The following PLCB4 variants were observed in gnomAD, a reference collection of about 807,000 sequenced individuals.
The protein encoded by PLCB4 is phospholipase C beta 4, also known as 1-phosphatidylinositol 4,5-bisphosphate phosphodiesterase beta-4.
Under a neutral mutation model 178.8 loss-of-function variants are expected in PLCB4, and 77 were observed. That is an observed-to-expected ratio of 0.43 (90% CI 0.36 to 0.52). The LOEUF (loss-of-function observed/expected upper bound fraction) is 0.52, where lower values mean the gene tolerates loss of function less well. PLCB4 is among the 20% of genes least tolerant of loss of function. The pLI is 0.00. For missense variants in PLCB4, 1,024 were observed against 1,453.4 expected, an observed-to-expected ratio of 0.70 and a Z score of 4.80; for synonymous variants, 496 against 490.8, an observed-to-expected ratio of 1.01 and a Z score of -0.14.
chr20:9,096,427 T>C (rs2090912827), intron 2 of PLCB4, 85 bp downstream of exon 2: 1 of 152,202 alleles, frequency 6.6e-6, no homozygotes, highest in African/African-American at 2.4e-5. Context: ...CGAGAAGCAA[T>C]TTTTTATGCC....
intron 1 of PLCB4, among the ~76,000 whole-genome samples, chr20:9,089,003 G>A (rs2090561714): frequency 6.6e-6 from 1 of 151,784 alleles, no homozygotes; most frequent in Admixed American, 6.6e-5. Flanking sequence ...TATACTTTAA[G>A]AGTTGGCAAA....
Position 9,478,904 on chromosome 20 carries a change from T to C in PLCB4, c.3533-17T>C, listed in dbSNP as rs1384078957. ...AAGGATTTCAACACACGTAAGGCCA[T>C]GTTTCTGATGTTATAGGCGAAGGAG... On this transcript the variant is annotated splice_polypyrimidine_tract_variant and intron_variant, in intron 39 of 39. Transcript: ENST00000378473. The C allele has an allele frequency of 1.2e-6, 2 of 1,602,926 alleles. No individual in the cohort carries two copies. Among genetic ancestry groups the C allele is most frequent in the Admixed American group, 1.7e-5 (1 of 59,958 alleles).
At chr20:9,222,765 G>A (rs768230869) in intron 3 of PLCB4, among the ~76,000 whole-genome samples, 9 of 152,098 alleles carry the variant, frequency 5.9e-5, no homozygotes, top group Non-Finnish European at 1.0e-4. Context: ...CATTTGGCTC[G>A]TGGTACCATA....
At chr20:9,278,100 T>G (rs1021536761) in intron 3 of PLCB4, among the ~76,000 whole-genome samples, 1 of 152,032 alleles carries the variant, frequency 6.6e-6, no homozygotes, top group East Asian at 1.9e-4. Context: ...AGAAGCTTGC[T>G]TAAGTTCAGA....
chr20:9,149,030 A>G (rs2092646624), intron 2 of PLCB4, among the ~76,000 whole-genome samples: 2 of 152,112 alleles, frequency 1.3e-5, no homozygotes, highest in Non-Finnish European at 2.9e-5. Context: ...TTGTTTTCAG[A>G]GGGTTCCCTT....
intron 2 of PLCB4, among the ~76,000 whole-genome samples, chr20:9,170,442 AT>A (rs763908322): frequency 3.3e-5 from 5 of 152,136 alleles, no homozygotes; most frequent in Non-Finnish European, 5.9e-5. Flanking sequence ...GGCTGGTGAG[AT>A]AACATAAATA....
rs1459194385 is a variant in PLCB4 at position 9,108,913 on chromosome 20, GA to G, written c.-79+12572del. On this transcript the variant is annotated intron_variant, in intron 2 of 39. Transcript: ENST00000378473. ...AGAGAGAAAACAAGAGAGAGAGAGAGAGAGAGAGAGAGAAAGAGAGAGAGGA... is the reference window on the plus strand; with the variant it reads ...AGAGAGAAAACAAGAGAGAGAGAGAGGAGAGAGAGAGAAAGAGAGAGAGGA... 8.0e-4 allele frequency among the ~76,000 whole-genome samples: 121 copies of G among 151,586 alleles called. 1 individual carries two copies. Among genetic ancestry groups the G allele is most frequent in the African/African-American group, 2.8e-3 (116 of 41,306 alleles).
chr20:9,200,443 T>C (rs978370620), intron 2 of PLCB4, among the ~76,000 whole-genome samples: 1 of 152,202 alleles, frequency 6.6e-6, no homozygotes, highest in African/African-American at 2.4e-5. Flanking sequence ...TTTCGGTGCT[T>C]TGTTCTTGCC....
chr20:9,310,046 A>G (rs1308655476), intron 4 of PLCB4, among the ~76,000 whole-genome samples: 1 of 152,252 alleles, frequency 6.6e-6, no homozygotes, highest in Non-Finnish European at 1.5e-5. Flanking sequence ...ATGCGTCTTC[A>G]TGATAACATA....
At chr20:9,347,489 C>T (rs1315574783) in intron 7 of PLCB4, among the ~76,000 whole-genome samples, 2 of 152,118 alleles carry the variant, frequency 1.3e-5, no homozygotes, top group African/African-American at 4.8e-5. Flanking sequence ...ATTGTGTTCA[C>T]CTTATTGGCA....
chr20:9,440,470 C>T (rs1002566822), intron 30 of PLCB4, among the ~76,000 whole-genome samples: 2 of 152,358 alleles, frequency 1.3e-5, no homozygotes, highest in East Asian at 3.9e-4. Context: ...AACATATGCT[C>T]TCTACTGAAT....
chr20:9,336,952 A>G (rs1305158453), intron 4 of PLCB4, among the ~76,000 whole-genome samples, 174 bp from the exon 5 acceptor site: 1 of 152,190 alleles, frequency 6.6e-6, no homozygotes, highest in Non-Finnish European at 1.5e-5. Flanking sequence ...TTTACAATAC[A>G]AAATTGAAAG....
chr20:9,099,249 G>A (rs765470605), intron 2 of PLCB4, among the ~76,000 whole-genome samples: 21 of 152,080 alleles, frequency 1.4e-4, no homozygotes, highest in Non-Finnish European at 2.8e-4. Flanking sequence ...CATGATTCGA[G>A]CAAGACAGGG....
chr20:9,167,273 AAAAC>A (rs1223087899), intron 2 of PLCB4, among the ~76,000 whole-genome samples: 2 of 152,202 alleles, frequency 1.3e-5, no homozygotes, highest in Non-Finnish European at 2.9e-5. Flanking sequence ...CTATTAAAAA[AAAAC>A]AGTCCCTTGA....
chr20:9,110,588 T>C (rs6140861), intron 2 of PLCB4, among the ~76,000 whole-genome samples: 31,338 of 152,096 alleles, frequency 0.21, 4,454 homozygotes, highest in East Asian at 0.65. Flanking sequence ...CCTTGCTTCA[T>C]TTATTTTCAT....
At chr20:9,292,477 A>G (rs1452287057) in intron 3 of PLCB4, among the ~76,000 whole-genome samples, 1 of 152,158 alleles carries the variant, frequency 6.6e-6, no homozygotes, top group East Asian at 1.9e-4. Context: ...CATGTCCAGG[A>G]TCAAGCCCCA....
intron 25 of PLCB4, among the ~76,000 whole-genome samples, 183 bp from the exon 26 acceptor site, chr20:9,419,624 G>T (rs2040486254): frequency 6.6e-6 from 1 of 152,128 alleles, no homozygotes; most frequent in Admixed American, 6.6e-5. Context: ...TACCACTGAG[G>T]CTGCAGCTCT....
chr20:9,427,885 TC>T (rs1305959550), intron 28 of PLCB4, among the ~76,000 whole-genome samples: 1 of 152,178 alleles, frequency 6.6e-6, no homozygotes, highest in Non-Finnish European at 1.5e-5. Context: ...TTCATGAGCC[TC>T]CCAGCGCTTT....
rs1270342205 is a variant in PLCB4 at position 9,147,793 on chromosome 20, C to A, written c.-79+51451C>A. Among the ~76,000 whole-genome samples, 3 of 152,128 alleles carry A rather than the reference C, an allele frequency of 2.0e-5. No homozygotes were observed. The East Asian group carries it at 5.8e-4, about 29-fold the overall frequency. ...TATTTCCATTGGCCAAAGGAAGTCACACAGCCAATTCTAGAGTGAGAATGG... is the reference window on the plus strand; with the variant it reads ...TATTTCCATTGGCCAAAGGAAGTCAAACAGCCAATTCTAGAGTGAGAATGG... On this transcript the variant is annotated intron_variant, in intron 2 of 39. Transcript: ENST00000378473.
Sources: gnomAD v4.1 joint callset for allele counts (sites outside exome capture counted in the v4.1 genomes callset) on GRCh38, gnomAD v4.1.1 for gene constraint, MANE v1.5 for transcripts, NCBI Gene and HGNC (gene_info 2026-07-23, HGNC 2026-07-21) for gene names.